The following PRKG1 variants were observed in gnomAD, a reference collection of about 807,000 sequenced individuals.
The protein encoded by PRKG1 is protein kinase cGMP-dependent 1, also known as cGMP-dependent protein kinase 1.
Under a neutral mutation model 88.1 loss-of-function variants are expected in PRKG1, and 35 were observed. The observed-to-expected ratio is 0.40, with a 90% CI of 0.30 to 0.53. The LOEUF is 0.53. PRKG1 is among the 20% of genes least tolerant of loss of function. PRKG1 has a pLI of 0.59. For synonymous variants in PRKG1, 303 were observed against 292.5 expected (o/e 1.04, Z -0.37); for missense variants, 540 against 839.8 (o/e 0.64, Z 4.41).
chr10:51,369,109 G>A (rs546852680), intron 2 of PRKG1, among the ~76,000 whole-genome samples: 14 of 152,178 alleles, frequency 9.2e-5, no homozygotes, highest in African/African-American at 1.2e-4. Flanking sequence ...AATCACTGCC[G>A]TAATGCACAA....
chr10:51,308,373 C>G (rs1037848024), intron 2 of PRKG1, among the ~76,000 whole-genome samples: 4 of 152,014 alleles, frequency 2.6e-5, no homozygotes, highest in Admixed American at 2.6e-4. Context: ...TTTCAGTTTC[C>G]TTGTATGTTA....
chr10:51,686,458 G>A (rs921795280), intron 3 of PRKG1, among the ~76,000 whole-genome samples: 1 of 152,148 alleles, frequency 6.6e-6, no homozygotes, highest in African/African-American at 2.4e-5. Flanking sequence ...TTTAAACCAA[G>A]GTTATCACTG....
chr10:51,139,582 A>AG lies in PRKG1; in HGVS notation c.312-13582_312-13581insG, dbSNP rs201119861. 2.8e-4 allele frequency among the ~76,000 whole-genome samples: 43 copies of AG among 152,278 alleles called. No homozygotes were observed. In the East Asian group the frequency reaches 7.5e-3, roughly 27 times the overall value. On this transcript the variant is annotated intron_variant, in intron 1 of 17. Transcript: ENST00000373980. The stretch of plus-strand genomic sequence containing the variant: ...GTCTAAGTCTAAACAACCAATGTCT[A>AG]TTCAGTTGCTCAAGCTGGAAACCTG...
At chr10:52,064,520 AGG>A (rs1401795701) in intron 7 of PRKG1, among the ~76,000 whole-genome samples, 1 of 152,146 alleles carries the variant, frequency 6.6e-6, no homozygotes, top group African/African-American at 2.4e-5. Context: ...CCAACAGCAC[AGG>A]GGAGGCCCGG....
intron 1 of PRKG1, among the ~76,000 whole-genome samples, chr10:51,138,169 CATG>C (rs1458763361): frequency 6.6e-6 from 1 of 152,120 alleles, no homozygotes; most frequent in Non-Finnish European, 1.5e-5. Context: ...AAATAATAAA[CATG>C]AGGATAACTG....
chr10:52,153,352 C>T (rs1186469085), intron 8 of PRKG1, among the ~76,000 whole-genome samples: 5 of 152,136 alleles, frequency 3.3e-5, no homozygotes, highest in Admixed American at 6.5e-5. Flanking sequence ...CAATTAATCA[C>T]ATTGTCATTG....
chr10:52,115,063 A>T (rs1036229371), intron 7 of PRKG1, among the ~76,000 whole-genome samples: 1 of 152,148 alleles, frequency 6.6e-6, no homozygotes, highest in African/African-American at 2.4e-5. Flanking sequence ...AGGAAGATTT[A>T]TTGGTAATAC....
chr10:51,915,547 ATG>A (rs144317430), intron 5 of PRKG1, among the ~76,000 whole-genome samples: 5,372 of 144,908 alleles, frequency 0.037, 223 homozygotes, highest in African/African-American at 0.12. Flanking sequence ...GTGTGTGTGT[ATG>A]TGTGTGTGTG....
chr10:52,118,287 G>A (rs10824050), intron 7 of PRKG1, among the ~76,000 whole-genome samples: 8,887 of 151,702 alleles, frequency 0.059, 499 homozygotes, highest in East Asian at 0.34. Context: ...CTTTTTAATC[G>A]GGGTATTCTT....
chr10:51,970,530 C>T (rs886464174), intron 5 of PRKG1, among the ~76,000 whole-genome samples: 1 of 150,946 alleles, frequency 6.6e-6, no homozygotes, highest in Non-Finnish European at 1.5e-5. Flanking sequence ...ATTATGAACT[C>T]TCACGTATGA....
At chr10:51,772,744 G>A (rs4935021) in intron 3 of PRKG1, among the ~76,000 whole-genome samples, 150,657 of 152,190 alleles carry the variant, frequency 0.99, 74,573 homozygotes, top group Middle Eastern at 1. Flanking sequence ...TTTAGTGGAA[G>A]CATCTCATCA....
At chr10:51,627,914 TTCCTTCC>T (rs1839382623) in intron 3 of PRKG1, among the ~76,000 whole-genome samples, 3 of 133,626 alleles carry the variant, frequency 2.2e-5, no homozygotes, top group African/African-American at 5.4e-5. Flanking sequence ...CTTCCTTCCC[TTCCTTCC>T]CTTCCTTTCT....
At chr10:52,076,421 G>T (rs932307293) in intron 7 of PRKG1, among the ~76,000 whole-genome samples, 9 of 152,204 alleles carry the variant, frequency 5.9e-5, no homozygotes, top group Non-Finnish European at 8.8e-5. Context: ...GTTGGGCATG[G>T]TGGTGTGCAC....
intron 3 of PRKG1, among the ~76,000 whole-genome samples, chr10:51,748,259 C>T (rs979405940): frequency 1.1e-4 from 17 of 152,296 alleles, no homozygotes; most frequent in African/African-American, 3.1e-4. Flanking sequence ...ACATGTTCTA[C>T]GTAACTAACC....
chr10:51,625,658 T>TGCACTATTA (rs1839317234), intron 3 of PRKG1, among the ~76,000 whole-genome samples: 3 of 152,076 alleles, frequency 2.0e-5, no homozygotes, highest in African/African-American at 7.2e-5. Context: ...TATCATTTAA[T>TGCACTATTA]AGTGCATTTA....
chr10:51,590,674 C>T (rs1357968983), intron 3 of PRKG1, among the ~76,000 whole-genome samples: 3 of 152,128 alleles, frequency 2.0e-5, no homozygotes, highest in Non-Finnish European at 1.5e-5. Context: ...GCCATTGTGT[C>T]TGTCAGCACT....
At chr10:52,203,567 T>C (rs1175069724) in intron 9 of PRKG1, among the ~76,000 whole-genome samples, 1 of 152,222 alleles carries the variant, frequency 6.6e-6, no homozygotes, top group African/African-American at 2.4e-5. Flanking sequence ...AGGTCCCGAA[T>C]ATCTTTGTTA....
intron 2 of PRKG1, among the ~76,000 whole-genome samples, chr10:51,157,237 G>A (rs1279058058): frequency 6.6e-6 from 1 of 151,878 alleles, no homozygotes; most frequent in Non-Finnish European, 1.5e-5. Context: ...AAAATGAGTT[G>A]TGTTGCTTTC....
chr10:51,273,395 A>T (rs1840032925), intron 2 of PRKG1, among the ~76,000 whole-genome samples: 1 of 150,730 alleles, frequency 6.6e-6, no homozygotes, highest in South Asian at 2.1e-4. Flanking sequence ...GGTGGCATGC[A>T]CCTGTAGTCC....
Sources: gnomAD v4.1 joint callset for allele counts (sites outside exome capture counted in the v4.1 genomes callset) on GRCh38, gnomAD v4.1.1 for gene constraint, MANE v1.5 for transcripts, NCBI Gene and HGNC (gene_info 2026-07-23, HGNC 2026-07-21) for gene names.